The following SPATS2L variants were observed in gnomAD, a reference collection of about 807,000 sequenced individuals.
SPATS2L encodes the protein SPATS2-like protein.
Under a neutral mutation model 59.6 loss-of-function variants are expected in SPATS2L, and 30 were observed. The ratio of observed to expected loss-of-function variants is 0.50; its 90% CI spans 0.38 to 0.68. The LOEUF is 0.68. Ranked by LOEUF, SPATS2L falls within the 30% of genes least tolerant of loss-of-function variation. The probability of loss-of-function intolerance (pLI) is 0.00; values close to 1 mark genes in which losing one functional copy is unlikely to be tolerated. For synonymous variants in SPATS2L, 252 were observed against 263.5 expected (o/e 0.96, Z 0.42); for missense variants, 615 against 700.0 (o/e 0.88, Z 1.37).
In SPATS2L at chr2:200,330,425, A is replaced by G. The variant is rs117098010; in HGVS notation, c.-23+945A>G. 3.4e-4 allele frequency among the ~76,000 whole-genome samples: 52 copies of G among 152,322 alleles called. 1 individual carries two copies. The East Asian group carries it at 9.8e-3, about 29-fold the overall frequency. On this transcript the variant is annotated intron_variant, in intron 2 of 12. Transcript: ENST00000409140. ...TATTGGTGGGAGTTGGTTGTTTTCCATGAATAGAATCGAATATTTTACTTC... is the reference window on the plus strand; with the variant it reads ...TATTGGTGGGAGTTGGTTGTTTTCCGTGAATAGAATCGAATATTTTACTTC...
chr2:200,378,516 T>A, intron 2 of SPATS2L: 1 of 431,302 alleles, frequency 2.3e-6, no homozygotes, highest in Non-Finnish European at 3.2e-6. Context: ...CAAGTGCCAG[T>A]GCGTTTAAGG....
intron 3 of SPATS2L, 199 bp downstream of exon 3, chr2:200,389,482 T>G: frequency 2.1e-6 from 1 of 486,258 alleles, no homozygotes; most frequent in South Asian, 3.6e-5. Flanking sequence ...ATGACACTCA[T>G]TTTTTCATTT....
At chr2:200,313,434 G>T (rs528490505) in intron 1 of SPATS2L, among the ~76,000 whole-genome samples, 1 of 152,154 alleles carries the variant, frequency 6.6e-6, no homozygotes, top group Non-Finnish European at 1.5e-5. Context: ...ATGTTTTGCA[G>T]TGGTAATCTG....
intron 1 of SPATS2L, among the ~76,000 whole-genome samples, chr2:200,326,374 A>C: frequency 6.6e-6 from 1 of 152,266 alleles, no homozygotes; most frequent in South Asian, 2.1e-4. Context: ...TAGAAAATTT[A>C]GAAAGCAGAG....
intron 3 of SPATS2L, chr2:200,392,984 C>G: frequency 3.0e-6 from 1 of 336,036 alleles, no homozygotes; most frequent in Admixed American, 3.9e-5. Flanking sequence ...TCTTTACAAA[C>G]TTATTGGCCA....
chr2:200,477,615 A>T, intron 12 of SPATS2L, 21 bp from the exon 13 acceptor site: 1 of 1,508,400 alleles, frequency 6.6e-7, no homozygotes, highest in South Asian at 1.3e-5. Context: ...TCTGATACTT[A>T]TCTCTTTTCT....
chr2:200,334,340 A>G (rs2080064407), intron 2 of SPATS2L, among the ~76,000 whole-genome samples: 1 of 152,080 alleles, frequency 6.6e-6, no homozygotes, highest in African/African-American at 2.4e-5. Context: ...TCCTTCACCC[A>G]CTTTTTGATG....
chr2:200,473,090 A>G, intron 12 of SPATS2L, 38 bp downstream of exon 12: 1 of 1,526,380 alleles, frequency 6.6e-7, no homozygotes, highest in Non-Finnish European at 8.8e-7. Flanking sequence ...GAGGAAAAAA[A>G]AAAAAAAACC....
At chr2:200,385,677 T>C (rs898269432) in intron 2 of SPATS2L, among the ~76,000 whole-genome samples, 40 of 152,158 alleles carry the variant, frequency 2.6e-4, no homozygotes, top group African/African-American at 8.4e-4. Flanking sequence ...AATTTGACTA[T>C]CTAGTCACTT....
chr2:200,455,254 A>T lies in SPATS2L; in HGVS notation c.789-4515A>T, dbSNP rs1574635479. Among the ~76,000 whole-genome samples the T allele has an allele frequency of 1.3e-5, 2 of 152,356 alleles. 1 individual carries two copies. The highest frequency in any genetic ancestry group is 4.1e-4 in the South Asian group (2 of 4,830). On this transcript the variant is annotated intron_variant, in intron 8 of 12. Transcript: ENST00000409140. ...ACCCATAATAAGTCTAAGATCATGA[A>T]ATTGAACAGAAGTTTTTAAAAACTT... is the stretch of plus-strand genomic sequence containing the variant.
chr2:200,351,142 AT>A, intron 2 of SPATS2L: 1 of 433,952 alleles, frequency 2.3e-6, no homozygotes, highest in South Asian at 1.7e-5. Context: ...TATGAAATCA[AT>A]GGGTGGAAAG....
chr2:200,423,065 A>C (rs2083381706), intron 6 of SPATS2L, among the ~76,000 whole-genome samples: 1 of 152,196 alleles, frequency 6.6e-6, no homozygotes, highest in Non-Finnish European at 1.5e-5. Flanking sequence ...GCATGACCAC[A>C]TCCTGGGTAG....
chr2:200,311,783 G>A (rs2079199468), intron 1 of SPATS2L, among the ~76,000 whole-genome samples: 1 of 152,122 alleles, frequency 6.6e-6, no homozygotes, highest in African/African-American at 2.4e-5. Context: ...AATAACAGAC[G>A]TATCCCAGAA....
Position 200,306,814 on chromosome 2 carries a change from C to A in SPATS2L, c.-181C>A. ...GCCCAGGCAGCGGCTCCCGCTCGGC[C>A]CGCCCTCCGAGCCGCAGGGGCCGCC... On this transcript the variant is annotated 5_prime_UTR_variant, in exon 1 of 13. Coordinates refer to ENST00000409140, the MANE Select transcript of SPATS2L (RefSeq NM_001100423.2). 1.0e-6 allele frequency: 1 copy of A among 980,902 alleles called. No homozygotes were observed. The highest frequency in any genetic ancestry group is 1.2e-6 in the Non-Finnish European group (1 of 828,142). The allele number at this position is 980,902 out of a possible 1,614,324, so 60.8% of individuals were successfully genotyped here.
chr2:200,381,613 G>C (rs2081814573), intron 2 of SPATS2L, among the ~76,000 whole-genome samples: 1 of 152,170 alleles, frequency 6.6e-6, no homozygotes, highest in Non-Finnish European at 1.5e-5. Flanking sequence ...GTAATATATT[G>C]CATGCCTTCA....
intron 2 of SPATS2L, among the ~76,000 whole-genome samples, chr2:200,387,197 A>G (rs2082019049): frequency 6.6e-6 from 1 of 152,248 alleles, no homozygotes. Context: ...AGGTTGGTAC[A>G]AAAGTATTTG....
intron 8 of SPATS2L, 44 bp from the exon 9 acceptor site, chr2:200,459,725 A>G (rs1375473131): frequency 4.1e-6 from 6 of 1,460,964 alleles, no homozygotes; most frequent in Admixed American, 1.8e-5. Flanking sequence ...TTTATCTTTG[A>G]TTAAGCATTC....
chr2:200,319,663 C>G (rs11691487), intron 1 of SPATS2L, among the ~76,000 whole-genome samples: 16 of 151,382 alleles, frequency 1.1e-4, no homozygotes, highest in Non-Finnish European at 2.2e-4. Flanking sequence ...TATTCACTCC[C>G]TTGATCAGGG....
At chr2:200,397,138 T>TTCTCCTGCC (rs1397947358) in intron 3 of SPATS2L, among the ~76,000 whole-genome samples, 4 of 152,224 alleles carry the variant, frequency 2.6e-5, no homozygotes, top group Non-Finnish European at 4.4e-5. Context: ...TCTCTCCTGC[T>TTCTCCTGCC]TCTCCTGCCT....
Sources: gnomAD v4.1 joint callset for allele counts (sites outside exome capture counted in the v4.1 genomes callset) on GRCh38, gnomAD v4.1.1 for gene constraint, MANE v1.5 for transcripts, NCBI Gene and HGNC (gene_info 2026-07-23, HGNC 2026-07-21) for gene names.